PARD3: variants seen among roughly 807,000 people sequenced by gnomAD.
The protein encoded by PARD3 is partitioning defective 3 homolog.
A neutral mutation model predicts 155.4 loss-of-function variants in PARD3; 75 were observed. That is an observed-to-expected ratio of 0.48 (90% CI 0.40 to 0.58). The LOEUF is 0.58. PARD3 is among the 20% of genes least tolerant of loss of function. The pLI is 0.00. For missense variants in PARD3, 1,642 were observed against 1,721.7 expected, an observed-to-expected ratio of 0.95 and a Z score of 0.82; for synonymous variants, 576 against 610.5, an observed-to-expected ratio of 0.94 and a Z score of 0.83.
intron 1 of PARD3, among the ~76,000 whole-genome samples, chr10:34,766,989 A>G (rs1328762927): frequency 1.3e-5 from 2 of 152,174 alleles, no homozygotes; most frequent in Admixed American, 1.3e-4. Flanking sequence ...AAGAGGTCCC[A>G]CAAGCAGCAC....
intron 12 of PARD3, among the ~76,000 whole-genome samples, chr10:34,369,320 A>G (rs557197375): frequency 2.0e-4 from 30 of 146,496 alleles, no homozygotes; most frequent in Middle Eastern, 3.5e-3. Context: ...TTATTTGTTT[A>G]TTTATTTATT....
chr10:34,400,935 A>C (rs1003893161), intron 6 of PARD3, among the ~76,000 whole-genome samples: 4 of 152,136 alleles, frequency 2.6e-5, no homozygotes, highest in African/African-American at 9.7e-5. Flanking sequence ...AACTTCAATA[A>C]ACTGATTTTA....
At chr10:34,228,123 T>A (rs1300589838) in intron 22 of PARD3, among the ~76,000 whole-genome samples, 2 of 151,532 alleles carry the variant, frequency 1.3e-5, no homozygotes, top group Non-Finnish European at 2.9e-5. Flanking sequence ...GCAACACAGA[T>A]GGAGCTGCCA....
At chr10:34,325,179 T>A (rs1348109177) in intron 19 of PARD3, among the ~76,000 whole-genome samples, 4 of 152,110 alleles carry the variant, frequency 2.6e-5, no homozygotes, top group East Asian at 3.9e-4. Context: ...CTGGCTAATC[T>A]TTGTATTTTT....
At chr10:34,580,468 C>T (rs1396563349) in intron 2 of PARD3, among the ~76,000 whole-genome samples, 2 of 152,094 alleles carry the variant, frequency 1.3e-5, no homozygotes, top group African/African-American at 2.4e-5. Context: ...CTAAGAAGTC[C>T]AGGTTGCAAT....
intron 2 of PARD3, among the ~76,000 whole-genome samples, chr10:34,634,930 C>G (rs368548723): frequency 6.6e-6 from 1 of 152,114 alleles, no homozygotes; most frequent in African/African-American, 2.4e-5. Flanking sequence ...TCACCACAGG[C>G]GAAGCAGGAG....
chr10:34,572,359 G>A (rs1185490758), intron 2 of PARD3, among the ~76,000 whole-genome samples: 1 of 152,000 alleles, frequency 6.6e-6, no homozygotes, highest in African/African-American at 2.4e-5. Context: ...CTAAAGAGGT[G>A]CAGACACGAT....
At chr10:34,279,357 G>A (rs554821678) in intron 21 of PARD3, among the ~76,000 whole-genome samples, 1 of 151,554 alleles carries the variant, frequency 6.6e-6, no homozygotes, top group East Asian at 1.9e-4. Flanking sequence ...TACAAAGCAG[G>A]TTAACAGATT....
At chr10:34,184,994 G>A (rs1950423935) in intron 22 of PARD3, among the ~76,000 whole-genome samples, 1 of 152,084 alleles carries the variant, frequency 6.6e-6, no homozygotes, top group African/African-American at 2.4e-5. Flanking sequence ...AGTATTTATT[G>A]CTACTTCCTG....
intron 5 of PARD3, among the ~76,000 whole-genome samples, chr10:34,418,347 A>T (rs1845868740): frequency 6.6e-6 from 1 of 151,864 alleles, no homozygotes; most frequent in Non-Finnish European, 1.5e-5. Flanking sequence ...GCTAATTCTT[A>T]TATTTTTCTA....
chr10:34,655,212 C>T (rs1240070234), intron 2 of PARD3, among the ~76,000 whole-genome samples: 1 of 151,820 alleles, frequency 6.6e-6, no homozygotes, highest in Non-Finnish European at 1.5e-5. Context: ...ATAAACTTAA[C>T]ACCCTATCAA....
At chr10:34,712,096 A>AG (rs1819249437) in intron 1 of PARD3, among the ~76,000 whole-genome samples, 1 of 152,220 alleles carries the variant, frequency 6.6e-6, no homozygotes, top group Admixed American at 6.5e-5. Flanking sequence ...CTCATACCCC[A>AG]GAAAAAAGAG....
At chr10:34,221,507 C>A (rs937846966) in intron 22 of PARD3, among the ~76,000 whole-genome samples, 1 of 151,404 alleles carries the variant, frequency 6.6e-6, no homozygotes, top group Admixed American at 6.6e-5. Context: ...CATGACCTCA[C>A]GTACTTATTT....
intron 3 of PARD3, among the ~76,000 whole-genome samples, chr10:34,480,078 A>G (rs544547590): frequency 1.3e-5 from 2 of 152,330 alleles, no homozygotes; most frequent in South Asian, 4.1e-4. Context: ...CCTTGCAGGC[A>G]CAAGGCAGAC....
At chr10:34,204,159 A>G (rs1951352501) in intron 22 of PARD3, among the ~76,000 whole-genome samples, 1 of 152,216 alleles carries the variant, frequency 6.6e-6, no homozygotes, top group South Asian at 2.1e-4. Context: ...GATGTTAATG[A>G]TAACGTATTC....
At chr10:34,403,118 C>T (rs144652476) in intron 5 of PARD3, among the ~76,000 whole-genome samples, 7 of 152,200 alleles carry the variant, frequency 4.6e-5, no homozygotes, top group African/African-American at 1.7e-4. Context: ...AAAATCATGC[C>T]TAGGAATCTC....
intron 1 of PARD3, among the ~76,000 whole-genome samples, chr10:34,778,607 G>A (rs1358924308): frequency 1.3e-5 from 2 of 152,060 alleles, no homozygotes; most frequent in Non-Finnish European, 2.9e-5. Context: ...TCCTCCAGCA[G>A]AGACATGGTG....
At chr10:34,207,925 A>G (rs916780370) in intron 22 of PARD3, among the ~76,000 whole-genome samples, 1 of 152,212 alleles carries the variant, frequency 6.6e-6, no homozygotes, top group Non-Finnish European at 1.5e-5. Context: ...CTGTCAAAAG[A>G]GGCTGTTATC....
Position 34,624,818 on chromosome 10 carries a change from C to T in PARD3, c.222+71500G>A, listed in dbSNP as rs1024058579. On this transcript the variant is annotated intron_variant, in intron 2 of 24. Transcript: ENST00000374788. The stretch of plus-strand genomic sequence containing the variant: ...GGCTGCGTCCTCCAGGGCCCACGTC[C>T]CACTGCAGCAAGACAAGGCCCCAGA... 3.6e-4 allele frequency among the ~76,000 whole-genome samples: 55 copies of T among 152,338 alleles called. 1 individual carries two copies. Among genetic ancestry groups the T allele is most frequent in the Non-Finnish European group, 4.4e-5 (3 of 68,034 alleles).
Sources: allele counts gnomAD v4.1 joint callset (sites outside exome capture counted in the v4.1 genomes callset), GRCh38; gene constraint gnomAD v4.1.1; transcripts MANE v1.5; gene names NCBI Gene and HGNC (gene_info 2026-07-23, HGNC 2026-07-21).